The following MCOLN2 variants were observed in gnomAD, a reference collection of about 807,000 sequenced individuals.
The protein encoded by MCOLN2 is mucolipin-2.
MCOLN2 carries 57 observed loss-of-function variants against 67.5 expected under a neutral mutation model. The ratio of observed to expected loss-of-function variants is 0.84; its 90% CI spans 0.68 to 1.05. The LOEUF (loss-of-function observed/expected upper bound fraction) is 1.05. Ranked by LOEUF, MCOLN2 falls within the 50% of genes least tolerant of loss-of-function variation. MCOLN2 has a pLI of 0.00. For missense variants in MCOLN2, 620 were observed against 678.8 expected (o/e 0.91, Z 0.96); for synonymous variants, 246 against 233.3 (o/e 1.05, Z -0.50).
intron 9 of MCOLN2, among the ~76,000 whole-genome samples, chr1:84,938,628 C>T (rs1421271355): frequency 6.6e-6 from 1 of 152,190 alleles, no homozygotes; most frequent in Non-Finnish European, 1.5e-5. Flanking sequence ...CAGACACGAC[C>T]CCAGAGCAAA....
At chr1:84,947,964 G>C (rs79832277) in intron 6 of MCOLN2, among the ~76,000 whole-genome samples, 6,460 of 152,368 alleles carry the variant, frequency 0.042, 482 homozygotes, top group African/African-American at 0.15. Context: ...ACAGGCAGAA[G>C]TGCACAGCAG....
At chr1:84,987,379 T>C (rs1437532841) in intron 1 of MCOLN2, among the ~76,000 whole-genome samples, 21 of 139,528 alleles carry the variant, frequency 1.5e-4, no homozygotes, top group African/African-American at 5.5e-4. Context: ...TATATTTATA[T>C]AGATATATAC....
chr1:84,957,407 T>TC (rs1398429785), intron 3 of MCOLN2, among the ~76,000 whole-genome samples: 2 of 152,306 alleles, frequency 1.3e-5, no homozygotes, highest in South Asian at 4.1e-4. Context: ...ACTTTACTAT[T>TC]CCTGAAAATT....
At chr1:84,958,441 C>A in intron 3 of MCOLN2, 88 bp downstream of exon 3, 2 of 1,047,208 alleles carry the variant, frequency 1.9e-6, no homozygotes, top group Non-Finnish European at 2.7e-6. Context: ...AATATTTTAA[C>A]ATGTGTATAA....
intron 1 of MCOLN2, among the ~76,000 whole-genome samples, chr1:84,982,582 C>T (rs1024600380): frequency 6.6e-6 from 1 of 152,192 alleles, no homozygotes; most frequent in Non-Finnish European, 1.5e-5. Flanking sequence ...CTGTTGGGAA[C>T]AAGTTATAAA....
intron 1 of MCOLN2, among the ~76,000 whole-genome samples, chr1:84,981,231 T>C (rs1421162498): frequency 6.6e-6 from 1 of 152,212 alleles, no homozygotes; most frequent in Non-Finnish European, 1.5e-5. Context: ...ACAACCACTA[T>C]GGAGAACAGT....
At chr1:84,984,705 A>T (rs115180113) in intron 1 of MCOLN2, among the ~76,000 whole-genome samples, 1,574 of 152,244 alleles carry the variant, frequency 0.01, 22 homozygotes, top group African/African-American at 0.036. Context: ...GGATAAAATA[A>T]CTCAATATGG....
rs367839481 is a variant in MCOLN2 at position 84,940,930 on chromosome 1, T to G, written c.909A>C (p.Ala303=). 14 of 1,613,694 alleles carry G rather than the reference T, an allele frequency of 8.7e-6. No individual in the cohort carries two copies. Among genetic ancestry groups the G allele is most frequent in the South Asian group, 3.3e-5 (3 of 91,032 alleles). ...TGGATCTTGTACACAGAATAAGAGA[T>G]GCCAAGCAAATCACAATGACAAATG... The part of the protein sequence containing the change: ...FDAFVIVICL[A]SLILCTRSIV... Residue 303 remains alanine (A), a synonymous_variant, in exon 8 of 14, where the codon GCA becomes GCC. Transcript: ENST00000370608.
chr1:84,967,668 G>A (rs566270629), intron 1 of MCOLN2, among the ~76,000 whole-genome samples: 3 of 147,532 alleles, frequency 2.0e-5, no homozygotes, highest in Admixed American at 6.9e-5. Context: ...GGAAGGAAAA[G>A]AGGAAAGAAA....
chr1:84,968,191 GA>G (rs1199503012), intron 1 of MCOLN2, among the ~76,000 whole-genome samples: 1 of 152,090 alleles, frequency 6.6e-6, no homozygotes, highest in African/African-American at 2.4e-5. Flanking sequence ...TCAAAGAAAA[GA>G]AAAAGGAAAT....
intron 1 of MCOLN2, among the ~76,000 whole-genome samples, chr1:84,980,138 A>G (rs924080628): frequency 1.3e-5 from 2 of 152,144 alleles, no homozygotes; most frequent in African/African-American, 4.8e-5. Flanking sequence ...TCTATAATGA[A>G]AACTGTAAAA....
chr1:84,932,683 T>C (rs17379254), intron 11 of MCOLN2, among the ~76,000 whole-genome samples: 2,821 of 152,354 alleles, frequency 0.019, 39 homozygotes, highest in South Asian at 0.056. Flanking sequence ...CTTAAAACTC[T>C]GTGTTGAATT....
At chr1:84,964,931 C>A (rs901134003) in intron 2 of MCOLN2, among the ~76,000 whole-genome samples, 1 of 152,160 alleles carries the variant, frequency 6.6e-6, no homozygotes, top group Non-Finnish European at 1.5e-5. Flanking sequence ...TGCTGTGCAG[C>A]CTGGTTCCTA....
chr1:84,994,862 A>G (rs1300477159), intron 1 of MCOLN2, among the ~76,000 whole-genome samples: 1 of 152,206 alleles, frequency 6.6e-6, no homozygotes, highest in Non-Finnish European at 1.5e-5. Flanking sequence ...GGTCTGTCTC[A>G]GCTTTCAACA....
chr1:84,956,969 G>A (rs1171347530), intron 3 of MCOLN2, among the ~76,000 whole-genome samples: 1 of 152,068 alleles, frequency 6.6e-6, no homozygotes, highest in Non-Finnish European at 1.5e-5. Context: ...GGAGACCCAC[G>A]TACATACCCG....
chr1:84,946,094 T>C (rs1648089373), intron 7 of MCOLN2, among the ~76,000 whole-genome samples: 1 of 152,184 alleles, frequency 6.6e-6, no homozygotes, highest in Non-Finnish European at 1.5e-5. Context: ...TTTTGAGCAA[T>C]GACTGAGTAA....
At chr1:84,994,633 G>A (rs1262742591) in intron 1 of MCOLN2, among the ~76,000 whole-genome samples, 1 of 152,198 alleles carries the variant, frequency 6.6e-6, no homozygotes. Flanking sequence ...CAGAATTGAA[G>A]AGAGTTTGGG....
intron 1 of MCOLN2, among the ~76,000 whole-genome samples, chr1:84,981,404 C>G (rs1014260801): frequency 1.3e-5 from 2 of 152,162 alleles, no homozygotes; most frequent in Admixed American, 1.3e-4. Flanking sequence ...TGGAAGCAAT[C>G]TGTATGTCCA....
intron 12 of MCOLN2, among the ~76,000 whole-genome samples, chr1:84,931,045 A>G (rs1661379293): frequency 6.6e-6 from 1 of 152,134 alleles, no homozygotes; most frequent in African/African-American, 2.4e-5. Flanking sequence ...TTATGACTCA[A>G]TCCTAAGTTC....
Sources: allele counts gnomAD v4.1 joint callset (sites outside exome capture counted in the v4.1 genomes callset), GRCh38; gene constraint gnomAD v4.1.1; transcripts MANE v1.5; gene names NCBI Gene and HGNC (gene_info 2026-07-23, HGNC 2026-07-21).